The following NUDCD3 variants were observed in gnomAD, a reference collection of about 807,000 sequenced individuals.
The protein encoded by NUDCD3 is nudC domain-containing protein 3.
Under a neutral mutation model 39.7 loss-of-function variants are expected in NUDCD3, and 13 were observed. The ratio of observed to expected loss-of-function variants is 0.33; its 90% CI spans 0.21 to 0.52. NUDCD3 has a LOEUF of 0.52. NUDCD3 is among the 20% of genes least tolerant of loss of function. The pLI is 0.96. For missense variants in NUDCD3, 453 were observed against 458.1 expected (o/e 0.99, Z 0.10); for synonymous variants, 175 against 172.4 (o/e 1.02, Z -0.12).
In NUDCD3 at chr7:44,426,772, G is replaced by C. The variant is rs549944453; in HGVS notation, c.642+799C>G. Among the ~76,000 whole-genome samples the C allele has an allele frequency of 1.0e-4, 15 of 150,134 alleles. No individual in the cohort carries two copies. The South Asian group carries it at 3.2e-3, about 32-fold the overall frequency. ...GATCCCGCCACTGCACTCCAGCCTG[G>C]GCGACAGAGCGAGACTCCGTCTCAA... On this transcript the variant is annotated intron_variant, in intron 3 of 5. Coordinates refer to ENST00000355451, the MANE Select transcript of NUDCD3 (RefSeq NM_015332.4).
chr7:44,489,515 G>A (rs1012401084), intron 1 of NUDCD3, among the ~76,000 whole-genome samples: 2 of 152,026 alleles, frequency 1.3e-5, no homozygotes, highest in African/African-American at 4.8e-5. Context: ...ACTGAGGGAG[G>A]TATCATCAGC....
intron 4 of NUDCD3, 85 bp downstream of exon 4, chr7:44,404,355 T>G: frequency 1.4e-6 from 2 of 1,386,692 alleles, no homozygotes; most frequent in Non-Finnish European, 2.0e-6. Context: ...ACTGCTTAAG[T>G]GTAAATAGGC....
intron 2 of NUDCD3, among the ~76,000 whole-genome samples, chr7:44,483,422 A>C (rs1465537361): frequency 6.6e-6 from 1 of 152,250 alleles, no homozygotes; most frequent in Non-Finnish European, 1.5e-5. Context: ...AAAAAGCTGA[A>C]AGAATTCACT....
chr7:44,414,520 C>T (rs1798984951), intron 3 of NUDCD3, among the ~76,000 whole-genome samples: 1 of 152,170 alleles, frequency 6.6e-6, no homozygotes, highest in African/African-American at 2.4e-5. Flanking sequence ...ATTATACATG[C>T]ATAAAAATAT....
intron 3 of NUDCD3, among the ~76,000 whole-genome samples, chr7:44,409,880 A>C (rs753460676): frequency 6.6e-6 from 1 of 152,292 alleles, no homozygotes; most frequent in Non-Finnish European, 1.5e-5. Flanking sequence ...GGAGTTCAAA[A>C]GTAAAAGGGG....
At chr7:44,433,881 G>A (rs982293666) in intron 2 of NUDCD3, among the ~76,000 whole-genome samples, 5 of 152,090 alleles carry the variant, frequency 3.3e-5, no homozygotes, top group South Asian at 2.1e-4. Flanking sequence ...TGATTGAGTC[G>A]TCATGACTCC....
intron 4 of NUDCD3, among the ~76,000 whole-genome samples, chr7:44,395,667 T>C (rs773423114): frequency 6.6e-6 from 1 of 152,242 alleles, no homozygotes; most frequent in African/African-American, 2.4e-5. Flanking sequence ...AATGGAATAA[T>C]ACAGTTATCT....
At chr7:44,436,889 A>G (rs1799476524) in intron 2 of NUDCD3, among the ~76,000 whole-genome samples, 1 of 152,130 alleles carries the variant, frequency 6.6e-6, no homozygotes, top group African/African-American at 2.4e-5. Context: ...TGGTCAACAC[A>G]AATTCTTCAT....
chr7:44,440,729 C>T (rs1329423302), intron 2 of NUDCD3, among the ~76,000 whole-genome samples: 5 of 152,140 alleles, frequency 3.3e-5, no homozygotes, highest in African/African-American at 1.2e-4. Flanking sequence ...GGTGTGTTAT[C>T]TGAGCAAATT....
chr7:44,437,960 A>C (rs1040224895), intron 2 of NUDCD3, among the ~76,000 whole-genome samples: 2 of 152,242 alleles, frequency 1.3e-5, no homozygotes, highest in Admixed American at 6.5e-5. Context: ...TGTTATTTTA[A>C]TGAGGGAAAG....
intron 2 of NUDCD3, among the ~76,000 whole-genome samples, chr7:44,443,165 C>G (rs920635150): frequency 1.3e-5 from 2 of 152,028 alleles, no homozygotes; most frequent in African/African-American, 2.4e-5. Flanking sequence ...AGAAAGAGAA[C>G]AACCACATCC....
intron 2 of NUDCD3, among the ~76,000 whole-genome samples, chr7:44,479,759 C>A (rs1800449662): frequency 1.3e-5 from 2 of 152,086 alleles, no homozygotes; most frequent in Admixed American, 1.3e-4. Flanking sequence ...AGAATAACTA[C>A]CTTAAATTAC....
chr7:44,390,296 G>A (rs575616559), intron 5 of NUDCD3, among the ~76,000 whole-genome samples: 4 of 152,216 alleles, frequency 2.6e-5, no homozygotes, highest in East Asian at 1.9e-4. Flanking sequence ...CCTGGGAGGC[G>A]GAGGTATCAG....
At chr7:44,442,244 G>C (rs1381148432) in intron 2 of NUDCD3, among the ~76,000 whole-genome samples, 1 of 152,172 alleles carries the variant, frequency 6.6e-6, no homozygotes, top group Non-Finnish European at 1.5e-5. Context: ...GATCAGCATA[G>C]GGCTTTTTAA....
intron 2 of NUDCD3, among the ~76,000 whole-genome samples, chr7:44,457,027 T>TA (rs577992201): frequency 0.058 from 8,180 of 142,182 alleles, 752 homozygotes; most frequent in African/African-American, 0.19. Context: ...ATAACCTGGT[T>TA]AAAAAAAAAA....
At chr7:44,490,230 C>T (rs1465956787) in intron 1 of NUDCD3, 179 bp downstream of exon 1, 11 of 628,658 alleles carry the variant, frequency 1.7e-5, no homozygotes. Flanking sequence ...GCGAACACCT[C>T]AGCGGAATAA....
intron 1 of NUDCD3, among the ~76,000 whole-genome samples, chr7:44,486,318 A>C (rs901818823): frequency 6.6e-6 from 1 of 152,254 alleles, no homozygotes; most frequent in Non-Finnish European, 1.5e-5. Context: ...TAACAGACTA[A>C]CTGTGTCAAA....
At chr7:44,429,406 G>T (rs1799307809) in intron 2 of NUDCD3, among the ~76,000 whole-genome samples, 1 of 152,136 alleles carries the variant, frequency 6.6e-6, no homozygotes, top group Middle Eastern at 3.2e-3. Context: ...ATGGGGTGAT[G>T]TGCCTATAGG....
chr7:44,459,162 T>A (rs557764371), intron 2 of NUDCD3, among the ~76,000 whole-genome samples: 19 of 152,200 alleles, frequency 1.2e-4, no homozygotes, highest in African/African-American at 4.3e-4. Flanking sequence ...AAGTATTTTT[T>A]TATATATATT....
Sources: gnomAD v4.1 joint callset for allele counts (sites outside exome capture counted in the v4.1 genomes callset) on GRCh38, gnomAD v4.1.1 for gene constraint, MANE v1.5 for transcripts, NCBI Gene and HGNC (gene_info 2026-07-23, HGNC 2026-07-21) for gene names.